The following AHCY variants were observed in gnomAD, a reference collection of about 807,000 sequenced individuals.
AHCY encodes the protein adenosylhomocysteinase.
In AHCY, 24 loss-of-function variants were observed where a neutral mutation model predicts 45.4. That is an observed-to-expected ratio of 0.53 (90% CI 0.38 to 0.74). The LOEUF (loss-of-function observed/expected upper bound fraction) is 0.74, where lower values mean the gene tolerates loss of function less well. Among genes scored for constraint, AHCY ranks in the 30% least tolerant of loss-of-function variants. AHCY has a pLI of 0.00. For missense variants in AHCY, 449 were observed against 594.1 expected (o/e 0.76, Z 2.54); for synonymous variants, 245 against 235.1 (o/e 1.04, Z -0.39).
intron 5 of AHCY, among the ~76,000 whole-genome samples, 167 bp from the exon 6 acceptor site, chr20:34,291,105 G>C (rs866570791): frequency 1.3e-5 from 2 of 152,196 alleles, no homozygotes; most frequent in East Asian, 3.9e-4. Context: ...CCTTCACCCC[G>C]ATCGGCTCAA....
chr20:34,298,678 G>T (rs938476240), intron 1 of AHCY, among the ~76,000 whole-genome samples: 2 of 151,668 alleles, frequency 1.3e-5, no homozygotes, highest in African/African-American at 4.8e-5. Context: ...TCTTGTAGAG[G>T]GCCTGACATC....
At chr20:34,246,561 C>A in the AHCY span, 3 of 834,350 alleles carry the variant, frequency 3.6e-6, no homozygotes, top group Non-Finnish European at 6.0e-6. Context: ...TGCCTCCGGG[C>A]TCAAGCAATC....
the AHCY span, among the ~76,000 whole-genome samples, chr20:34,235,853 G>GA: frequency 2.2e-5 from 1 of 46,022 alleles, no homozygotes; most frequent in Non-Finnish European, 3.3e-5. Context: ...AGGAAGGAAG[G>GA]AAGGAAGGAA....
chr20:34,274,031 G>A, the AHCY span, among the ~76,000 whole-genome samples: 1 of 152,074 alleles, frequency 6.6e-6, no homozygotes, highest in Non-Finnish European at 1.5e-5. Context: ...TTTGCCTGGG[G>A]AGCCCAGCAA....
intron 1 of AHCY, among the ~76,000 whole-genome samples, chr20:34,296,128 C>T (rs926655009): frequency 9.9e-5 from 15 of 152,196 alleles, no homozygotes; most frequent in African/African-American, 3.4e-4. Context: ...ATCCGTATAA[C>T]GAATGCTCTT....
the AHCY span, chr20:34,268,913 C>T: frequency 6.6e-7 from 1 of 1,515,540 alleles, no homozygotes; most frequent in Non-Finnish European, 8.9e-7. Context: ...CTCCCTAGCC[C>T]GAGGAGCTCC....
At chr20:34,301,142 T>C (rs990780356) in intron 1 of AHCY, among the ~76,000 whole-genome samples, 4 of 152,118 alleles carry the variant, frequency 2.6e-5, no homozygotes, top group Non-Finnish European at 4.4e-5. Context: ...AGAGAGGAGT[T>C]TGCTGCAGGT....
the AHCY span, among the ~76,000 whole-genome samples, chr20:34,258,701 T>TATATATATATATATATACACACATACA: frequency 1.3e-5 from 1 of 74,270 alleles, no homozygotes; most frequent in Non-Finnish European, 2.5e-5. Context: ...ACATACTATA[T>TATATATATATATATATACACACATACA]ATATATATTA....
chr20:34,286,047 G>A (rs548858315), intron 8 of AHCY: 1 of 280,140 alleles, frequency 3.6e-6, no homozygotes, highest in African/African-American at 2.2e-5. Flanking sequence ...GGAGTTTGCA[G>A]CGAGCCGAGA....
chr20:34,292,812 C>T (rs2036443732), intron 3 of AHCY, among the ~76,000 whole-genome samples: 2 of 152,218 alleles, frequency 1.3e-5, no homozygotes, highest in South Asian at 2.1e-4. Flanking sequence ...AAGCCATGTA[C>T]AGCCCCCCGC....
At chr20:34,269,131 C>G in the AHCY span, 2 of 1,553,854 alleles carry the variant, frequency 1.3e-6, no homozygotes, top group Non-Finnish European at 1.7e-6. Flanking sequence ...TCTTCCGCAG[C>G]GCCTGCTCCT....
chr20:34,252,079 C>T, the AHCY span, among the ~76,000 whole-genome samples: 1 of 152,372 alleles, frequency 6.6e-6, no homozygotes, highest in African/African-American at 2.4e-5. Context: ...GTGCCTCAGA[C>T]TCTATAGTGA....
chr20:34,260,434 CA>C, the AHCY span: 1 of 1,614,172 alleles, frequency 6.2e-7, no homozygotes, highest in Non-Finnish European at 8.5e-7. Context: ...TCTTCACTGC[CA>C]ACAGCCACCT....
the AHCY span, among the ~76,000 whole-genome samples, chr20:34,253,297 G>A: frequency 0.012 from 1,807 of 151,086 alleles, 18 homozygotes; most frequent in African/African-American, 0.028. Flanking sequence ...TAGTAGAGAC[G>A]GGGTTTCACC....
chr20:34,258,686 T>TATATATATATATATATATATATATATAC, the AHCY span, among the ~76,000 whole-genome samples: 2 of 72,350 alleles, frequency 2.8e-5, no homozygotes, highest in South Asian at 3.6e-4. Context: ...TATATATATA[T>TATATATATATATATATATATATATATAC]ATATACATAC....
chr20:34,244,708 G>A, the AHCY span, among the ~76,000 whole-genome samples: 1 of 152,142 alleles, frequency 6.6e-6, no homozygotes, highest in African/African-American at 2.4e-5. Context: ...TCAAAGAAGT[G>A]GCTTACTGTT....
At chr20:34,241,430 C>T in the AHCY span, 1 of 984,882 alleles carries the variant, frequency 1.0e-6, no homozygotes, top group African/African-American at 1.7e-5. Context: ...AGCAGCAAAT[C>T]TCTACAGCTG....
chr20:34,259,851 C>A, the AHCY span, among the ~76,000 whole-genome samples: 12 of 152,246 alleles, frequency 7.9e-5, no homozygotes, highest in Middle Eastern at 3.4e-3. Context: ...TGCATTCGTT[C>A]TCTCTGGGTT....
the AHCY span, among the ~76,000 whole-genome samples, chr20:34,256,024 G>A: frequency 2.0e-4 from 30 of 152,360 alleles, no homozygotes; most frequent in African/African-American, 5.5e-4. Context: ...CAGCGGTCAC[G>A]CTCCTGGTCC....
Sources: gnomAD v4.1 joint callset for allele counts (sites outside exome capture counted in the v4.1 genomes callset) on GRCh38, gnomAD v4.1.1 for gene constraint, MANE v1.5 for transcripts, NCBI Gene and HGNC (gene_info 2026-07-23, HGNC 2026-07-21) for gene names.